OPA1: variants seen among roughly 807,000 people sequenced by gnomAD.
OPA1 encodes the protein dynamin-like GTPase OPA1, mitochondrial.
OPA1 carries 59 observed loss-of-function variants against 152.9 expected under a neutral mutation model. The ratio of observed to expected loss-of-function variants is 0.39; its 90% CI spans 0.31 to 0.48. The LOEUF (loss-of-function observed/expected upper bound fraction) is 0.48. Among genes scored for constraint, OPA1 ranks in the 20% least tolerant of loss-of-function variants. OPA1 has a pLI of 0.96. For synonymous variants in OPA1, 400 were observed against 389.9 expected, an observed-to-expected ratio of 1.03 and a Z score of -0.31; for missense variants, 1,008 against 1,216.8, an observed-to-expected ratio of 0.83 and a Z score of 2.55.
chr3:193,666,034 A>G (rs552627164), intron 27 of OPA1, among the ~76,000 whole-genome samples: 1 of 152,200 alleles, frequency 6.6e-6, no homozygotes, highest in Non-Finnish European at 1.5e-5. Flanking sequence ...GTAATTTGCT[A>G]CTACTCAAGC....
chr3:193,602,187 A>C (rs1431013236), intron 1 of OPA1, among the ~76,000 whole-genome samples: 1 of 152,174 alleles, frequency 6.6e-6, no homozygotes, highest in Non-Finnish European at 1.5e-5. Context: ...GCTTTACCTT[A>C]AAGTCTCCAA....
At chr3:193,686,495 CTGTT>C (rs1720953345) in intron 29 of OPA1, among the ~76,000 whole-genome samples, 1 of 152,156 alleles carries the variant, frequency 6.6e-6, no homozygotes, top group South Asian at 2.1e-4. Flanking sequence ...CTTCATCTAT[CTGTT>C]TGGTTCAACC....
intron 22 of OPA1, among the ~76,000 whole-genome samples, chr3:193,655,366 G>T (rs539268404): frequency 2.2e-4 from 34 of 152,246 alleles, no homozygotes; most frequent in Non-Finnish European, 4.6e-4. Context: ...GGATTCTGTG[G>T]ATTATAGAGA....
chr3:193,695,865 C>T lies in OPA1; in HGVS notation c.*1265C>T. ...TATTGTTTTACATCAATGCATGCTT[C>T]GTTGTGATCCCTCAAGATGTAACAC... On this transcript the variant is annotated 3_prime_UTR_variant, in exon 31 of 31. Transcript: ENST00000361510. 1 of 152,142 alleles carries T rather than the reference C, an allele frequency of 6.6e-6. No individual in the cohort carries two copies. Among genetic ancestry groups the T allele is most frequent in the East Asian group, 1.9e-4 (1 of 5,194 alleles). The allele number at this position is 152,142 out of a possible 1,614,324, so 9.4% of individuals were successfully genotyped here.
At chr3:193,608,896 T>A (rs141905721) in intron 1 of OPA1, among the ~76,000 whole-genome samples, 4,742 of 152,194 alleles carry the variant, frequency 0.031, 68 homozygotes, top group African/African-American at 0.039. Flanking sequence ...CCTGTATTGG[T>A]TGCATATATA....
chr3:193,645,667 T>G, intron 17 of OPA1, 42 bp downstream of exon 17: 1 of 1,606,734 alleles, frequency 6.2e-7, no homozygotes. Flanking sequence ...TTAGTTTCTG[T>G]TGTTTTCAAA....
intron 29 of OPA1, among the ~76,000 whole-genome samples, chr3:193,690,574 A>C (rs1721549306): frequency 6.6e-6 from 1 of 152,150 alleles, no homozygotes; most frequent in African/African-American, 2.4e-5. Flanking sequence ...TTTATATCCA[A>C]CCGTGGTAGG....
At chr3:193,606,425 C>T (rs1390264077) in intron 1 of OPA1, among the ~76,000 whole-genome samples, 1 of 141,160 alleles carries the variant, frequency 7.1e-6, no homozygotes, top group African/African-American at 2.7e-5. Flanking sequence ...CCTCCCCCAA[C>T]CCCACAACAG....
At chr3:193,661,528 A>G (rs536285942) in intron 25 of OPA1, among the ~76,000 whole-genome samples, 2 of 152,348 alleles carry the variant, frequency 1.3e-5, no homozygotes, top group African/African-American at 2.4e-5. Context: ...TAGGTCTCAC[A>G]TCGTAAGTTC....
Position 193,684,021 on chromosome 3 carries a change from C to T in OPA1, c.2984-8042C>T, listed in dbSNP as rs556875455. Among the ~76,000 whole-genome samples, 111 of 152,250 alleles carry T rather than the reference C, an allele frequency of 7.3e-4. 3 individuals carry two copies. The South Asian group carries it at 0.023, about 31-fold the overall frequency. ...ACAAAATGGAAAGCAGAGGTCATTC[C>T]ATCATTCATGGTGGCCATCAGACAA... On this transcript the variant is annotated intron_variant, in intron 29 of 30. Transcript: ENST00000361510.
chr3:193,667,612 G>A (rs1019805975), intron 29 of OPA1, among the ~76,000 whole-genome samples: 13 of 150,110 alleles, frequency 8.7e-5, no homozygotes, highest in East Asian at 3.9e-4. Flanking sequence ...CGGAGCTTGC[G>A]GTGAGCCAAG....
At chr3:193,646,731 C>T (rs1288480839) in intron 18 of OPA1, among the ~76,000 whole-genome samples, 1 of 152,098 alleles carries the variant, frequency 6.6e-6, no homozygotes, top group Non-Finnish European at 1.5e-5. Context: ...CAATATCACG[C>T]CACTGCACTC....
chr3:193,620,362 A>C (rs1291486701), intron 6 of OPA1, among the ~76,000 whole-genome samples: 1 of 152,228 alleles, frequency 6.6e-6, no homozygotes, highest in African/African-American at 2.4e-5. Context: ...AAACCCGGCT[A>C]AGGTCATAGA....
At chr3:193,658,610 A>G (rs1714493328) in intron 23 of OPA1, among the ~76,000 whole-genome samples, 1 of 152,232 alleles carries the variant, frequency 6.6e-6, no homozygotes. Context: ...AATATTTTGT[A>G]TAATGTAAAT....
intron 1 of OPA1, among the ~76,000 whole-genome samples, chr3:193,610,350 G>A (rs185242700): frequency 0.014 from 2,173 of 152,322 alleles, 50 homozygotes; most frequent in African/African-American, 0.048. Context: ...GCAGAACAAC[G>A]AATATTGGTG....
chr3:193,694,894 G>A lies in OPA1; in HGVS notation c.*294G>A, dbSNP rs1722123693. On this transcript the variant is annotated 3_prime_UTR_variant, in exon 31 of 31. Coordinates refer to ENST00000361510, the MANE Select transcript of OPA1 (RefSeq NM_130837.3). ...CTTGAAGATAAGAAACTTGTTCTCT[G>A]TTTGTTGTCTTATTTGTGGTGGCAC... 1 of 152,170 alleles carries A rather than the reference G, an allele frequency of 6.6e-6. No homozygotes were observed. Among genetic ancestry groups the A allele is most frequent in the Non-Finnish European group, 1.5e-5 (1 of 68,020 alleles). The allele number at this position is 152,170 out of a possible 1,614,324, so 9.4% of individuals were successfully genotyped here.
chr3:193,605,772 CTG>C (rs764520345), intron 1 of OPA1, among the ~76,000 whole-genome samples: 36 of 152,222 alleles, frequency 2.4e-4, no homozygotes, highest in Admixed American at 3.9e-4. Flanking sequence ...TAGTAAAAAA[CTG>C]TGTTTTTCTG....
chr3:193,693,434 G>T (rs1369460300), intron 30 of OPA1, among the ~76,000 whole-genome samples: 1 of 152,198 alleles, frequency 6.6e-6, no homozygotes, highest in Non-Finnish European at 1.5e-5. Flanking sequence ...GAGGTCAGGA[G>T]TTGGAGACCA....
chr3:193,640,168 G>A (rs1184240623), intron 11 of OPA1, among the ~76,000 whole-genome samples: 1 of 152,210 alleles, frequency 6.6e-6, no homozygotes, highest in Non-Finnish European at 1.5e-5. Flanking sequence ...TCTAAAAGTA[G>A]TATTTAAAGT....
Sources: allele counts gnomAD v4.1 joint callset (sites outside exome capture counted in the v4.1 genomes callset), GRCh38; gene constraint gnomAD v4.1.1; transcripts MANE v1.5; gene names NCBI Gene and HGNC (gene_info 2026-07-23, HGNC 2026-07-21).